Variants in TAF3 observed in about 807,000 individuals in gnomAD.
TAF3 encodes the protein TATA-box binding protein associated factor 3.
TAF3 carries 7 observed loss-of-function variants against 80.6 expected under a neutral mutation model. The observed-to-expected ratio is 0.09, with a 90% CI of 0.05 to 0.16. TAF3 has a LOEUF of 0.16. Ranked by LOEUF, TAF3 falls within the 10% of genes least tolerant of loss-of-function variation. The pLI, the probability that TAF3 is intolerant of heterozygous loss-of-function variation, is 1.00. For synonymous variants in TAF3, 444 were observed against 446.1 expected, an observed-to-expected ratio of 1.00 and a Z score of 0.06; for missense variants, 921 against 1,140.2, an observed-to-expected ratio of 0.81 and a Z score of 2.77.
At position 7,863,722 on chromosome 10, in the gene TAF3, CAT is replaced by C. The variant is rs1554778413; in HGVS notation, c.409+39172_409+39173del. Among the ~76,000 whole-genome samples the C allele has an allele frequency of 1.3e-3, 104 of 79,150 alleles. 9 individuals are homozygous for C. The highest frequency in any genetic ancestry group is 4.3e-3 in the African/African-American group (89 of 20,578). The allele number at this position is 79,150 out of a possible 152,430, so 51.9% of individuals were successfully genotyped here. A position where few individuals can be genotyped will look rare whatever the true frequency, so the allele number is the denominator to read the frequency against. ...ATATATATACACATATATATATACA[CAT>C]ATATATATACACATATATATATACA... On this transcript the variant is annotated intron_variant, in intron 2 of 6. Transcript: ENST00000344293.
At chr10:7,940,107 A>G (rs1433285577) in intron 2 of TAF3, among the ~76,000 whole-genome samples, 1 of 152,384 alleles carries the variant, frequency 6.6e-6, no homozygotes, top group East Asian at 1.9e-4. Context: ...TAATGGAGTC[A>G]GAATGAAGGA....
intron 2 of TAF3, among the ~76,000 whole-genome samples, chr10:7,884,460 C>G (rs1023433719): frequency 1.4e-5 from 2 of 147,296 alleles, no homozygotes; most frequent in African/African-American, 5.0e-5. Flanking sequence ...CATCTCGGCT[C>G]ACTGCAACCT....
intron 2 of TAF3, among the ~76,000 whole-genome samples, chr10:7,865,977 C>T (rs890364524): frequency 6.6e-5 from 10 of 152,152 alleles, no homozygotes; most frequent in Admixed American, 1.3e-4. Flanking sequence ...GCACCATGTT[C>T]GGCACCTTGA....
At chr10:7,874,447 G>A (rs1029262962) in intron 2 of TAF3, among the ~76,000 whole-genome samples, 4 of 152,056 alleles carry the variant, frequency 2.6e-5, no homozygotes, top group African/African-American at 7.2e-5. Flanking sequence ...TGCTTCTTCA[G>A]GTGGGGAATA....
intron 6 of TAF3, 36 bp from the exon 7 acceptor site, chr10:8,014,601 T>A (rs1264373076): frequency 1.3e-6 from 2 of 1,570,898 alleles, no homozygotes; most frequent in South Asian, 2.3e-5. Flanking sequence ...GATGTCTGTA[T>A]AAAAGTTGCT....
At chr10:7,907,160 G>A (rs1366106917) in intron 2 of TAF3, among the ~76,000 whole-genome samples, 1 of 152,128 alleles carries the variant, frequency 6.6e-6, no homozygotes, top group East Asian at 1.9e-4. Context: ...GCACACGCTG[G>A]ATCTCCTGGA....
At chr10:7,884,944 T>A (rs1350312028) in intron 2 of TAF3, among the ~76,000 whole-genome samples, 1 of 152,158 alleles carries the variant, frequency 6.6e-6, no homozygotes, top group Non-Finnish European at 1.5e-5. Context: ...AGAAAACAGT[T>A]TCAGAATTGC....
intron 2 of TAF3, among the ~76,000 whole-genome samples, chr10:7,956,215 C>T (rs938337130): frequency 3.3e-5 from 5 of 152,064 alleles, no homozygotes; most frequent in African/African-American, 7.2e-5. Flanking sequence ...ATAGGCCGGG[C>T]GCGGTGTCTC....
chr10:7,936,904 A>G (rs1837926717), intron 2 of TAF3, among the ~76,000 whole-genome samples: 1 of 151,130 alleles, frequency 6.6e-6, no homozygotes, highest in African/African-American at 2.4e-5. Context: ...TCATAATTTT[A>G]CCTTTCCCAG....
intron 2 of TAF3, among the ~76,000 whole-genome samples, chr10:7,877,866 C>T (rs1373374377): frequency 2.0e-5 from 3 of 152,110 alleles, no homozygotes; most frequent in African/African-American, 7.2e-5. Flanking sequence ...CGTTTATACA[C>T]CGTGTGTGTT....
chr10:7,970,253 T>C lies in TAF3; in HGVS notation c.2232+4511T>C, dbSNP rs1036871438. Among the ~76,000 whole-genome samples, 4 of 152,260 alleles carry C rather than the reference T, an allele frequency of 2.6e-5. No individual in the cohort carries two copies. In the East Asian group the frequency reaches 7.7e-4, roughly 29 times the overall value. On this transcript the variant is annotated intron_variant, in intron 3 of 6. Transcript: ENST00000344293. ...TTGAGGAATTGTTTTATTTGAACTT[T>C]GGCTACTGAATAAACTAACTCGATA...
chr10:7,851,641 C>T (rs1402750314), intron 2 of TAF3, among the ~76,000 whole-genome samples: 1 of 152,184 alleles, frequency 6.6e-6, no homozygotes, highest in Non-Finnish European at 1.5e-5. Flanking sequence ...TTTCCCTTCT[C>T]CCCTTTCATG....
intron 2 of TAF3, among the ~76,000 whole-genome samples, chr10:7,856,858 CAAAAAAAAAA>C (rs57207229): frequency 4.4e-5 from 4 of 91,158 alleles, no homozygotes; most frequent in African/African-American, 1.6e-4. Flanking sequence ...AGCTGGTTCT[CAAAAAAAAAA>C]AAAAAAAAAA....
At chr10:7,997,125 G>A (rs1279470347) in intron 4 of TAF3, among the ~76,000 whole-genome samples, 7 of 152,074 alleles carry the variant, frequency 4.6e-5, no homozygotes, top group South Asian at 2.1e-4. Flanking sequence ...TTTTTTCATC[G>A]ACCTGATTTT....
At chr10:7,926,383 T>A (rs1837815666) in intron 2 of TAF3, among the ~76,000 whole-genome samples, 1 of 152,242 alleles carries the variant, frequency 6.6e-6, no homozygotes, top group Non-Finnish European at 1.5e-5. Flanking sequence ...CATTAATTCA[T>A]AATTTTGATG....
At position 7,902,461 on chromosome 10, in the gene TAF3, A is replaced by T. The variant is rs563361212; in HGVS notation, c.410-61459A>T. 8.5e-5 allele frequency among the ~76,000 whole-genome samples: 13 copies of T among 152,174 alleles called. 1 individual carries two copies. In the South Asian group the frequency reaches 2.7e-3, roughly 32 times the overall value. On this transcript the variant is annotated intron_variant, in intron 2 of 6. Coordinates refer to ENST00000344293, the MANE Select transcript of TAF3 (RefSeq NM_031923.4). ...TAAAAAAAGAATCTTTTCTTAGGAG[A>T]TGTTATTAAGAGTCCGGGCCAATAT...
intron 2 of TAF3, among the ~76,000 whole-genome samples, chr10:7,931,856 G>T (rs371148222): frequency 2.6e-5 from 4 of 152,136 alleles, no homozygotes; most frequent in East Asian, 1.9e-4. Context: ...GTATTGTTTT[G>T]TTGTCTTTGG....
At chr10:7,942,023 C>G (rs1024122694) in intron 2 of TAF3, among the ~76,000 whole-genome samples, 26 of 152,132 alleles carry the variant, frequency 1.7e-4, no homozygotes, top group South Asian at 1.2e-3. Context: ...GTTTTGAGGT[C>G]AGTTTTTTTG....
chr10:7,930,493 A>C (rs1460795785), intron 2 of TAF3, among the ~76,000 whole-genome samples: 3 of 152,180 alleles, frequency 2.0e-5, no homozygotes, highest in Non-Finnish European at 2.9e-5. Flanking sequence ...GTAAATGTAT[A>C]TGTTCAGTGC....
Sources: allele counts gnomAD v4.1 joint callset (sites outside exome capture counted in the v4.1 genomes callset), GRCh38; gene constraint gnomAD v4.1.1; transcripts MANE v1.5; gene names NCBI Gene and HGNC (gene_info 2026-07-23, HGNC 2026-07-21).